Variants in MYRIP observed in about 807,000 individuals in gnomAD.
MYRIP encodes rab effector MyRIP.
Under a neutral mutation model 98.0 loss-of-function variants are expected in MYRIP, and 49 were observed. That is an observed-to-expected ratio of 0.50 (90% CI 0.40 to 0.63). The LOEUF is 0.63. Ranked by LOEUF, MYRIP falls within the 30% of genes least tolerant of loss-of-function variation. MYRIP has a pLI of 0.00. For missense variants in MYRIP, 1,004 were observed against 1,058.2 expected, an observed-to-expected ratio of 0.95 and a Z score of 0.71; for synonymous variants, 404 against 409.5, an observed-to-expected ratio of 0.99 and a Z score of 0.16.
intron 2 of MYRIP, among the ~76,000 whole-genome samples, chr3:39,974,459 T>C (rs1428353373): frequency 6.6e-6 from 1 of 152,198 alleles, no homozygotes; most frequent in Non-Finnish European, 1.5e-5. Flanking sequence ...CACAGCCAAA[T>C]TCTACCAGAG....
At position 40,194,636 on chromosome 3, in the gene MYRIP, G is replaced by A. The variant is rs575788941; in HGVS notation, c.1665+4173G>A. 1.8e-4 allele frequency among the ~76,000 whole-genome samples: 27 copies of A among 152,100 alleles called. 1 individual carries two copies. Among genetic ancestry groups the A allele is most frequent in the South Asian group, 6.2e-4 (3 of 4,812 alleles). On this transcript the variant is annotated intron_variant, in intron 10 of 16. Transcript: ENST00000302541. ...CTTTTTAAGTTTTGATTGGAATTGC[G>A]TTAAATGTATGTATCTACTTCAGAA...
intron 2 of MYRIP, among the ~76,000 whole-genome samples, chr3:39,901,542 T>C (rs1278836975): frequency 2.0e-5 from 3 of 152,160 alleles, no homozygotes; most frequent in Non-Finnish European, 4.4e-5. Flanking sequence ...TATGCCTAAG[T>C]TGGAAGAAGT....
intron 2 of MYRIP, among the ~76,000 whole-genome samples, chr3:39,989,880 G>T (rs1363537885): frequency 1.3e-5 from 2 of 152,184 alleles, no homozygotes; most frequent in Non-Finnish European, 2.9e-5. Flanking sequence ...GAAAAGCCTG[G>T]CCTGGAGCTA....
intron 3 of MYRIP, among the ~76,000 whole-genome samples, chr3:40,056,979 A>G (rs1947898471): frequency 4.6e-5 from 7 of 152,130 alleles, no homozygotes; most frequent in Admixed American, 4.6e-4. Flanking sequence ...AGTACCTGAC[A>G]TTTATGTGTT....
chr3:39,995,382 T>G (rs983943068), intron 2 of MYRIP, among the ~76,000 whole-genome samples: 1 of 152,060 alleles, frequency 6.6e-6, no homozygotes, highest in Non-Finnish European at 1.5e-5. Context: ...GATAACTACA[T>G]GATGAATGCA....
intron 2 of MYRIP, among the ~76,000 whole-genome samples, chr3:39,956,378 T>C (rs1456758729): frequency 6.6e-6 from 1 of 152,088 alleles, no homozygotes; most frequent in Non-Finnish European, 1.5e-5. Flanking sequence ...AGAAACTCAC[T>C]CAAAACAACC....
In MYRIP at chr3:40,212,831, T is replaced by G. The variant is rs2125671423; in HGVS notation, c.1905+2738T>G. On this transcript the variant is annotated intron_variant, in intron 11 of 16. Transcript: ENST00000302541. ...GTCCCAGTTACTCGAGAGGCTGAGA[T>G]GACTTGAACCCAGGAGGTTGAGGCT... Among the ~76,000 whole-genome samples, 3 of 151,822 alleles carry G rather than the reference T, an allele frequency of 2.0e-5. 1 individual carries two copies. In the South Asian group the frequency reaches 6.3e-4, roughly 32 times the overall value.
intron 2 of MYRIP, among the ~76,000 whole-genome samples, chr3:39,955,596 A>G (rs1253589214): frequency 6.6e-6 from 1 of 152,232 alleles, no homozygotes; most frequent in Non-Finnish European, 1.5e-5. Context: ...AAGACCATTG[A>G]TGCTAGGAAG....
intron 10 of MYRIP, 87 bp downstream of exon 10, chr3:40,190,550 G>A: frequency 6.7e-7 from 1 of 1,487,820 alleles, no homozygotes. Context: ...AGAGTCCTGG[G>A]TTTGGAATCC....
chr3:39,987,102 C>T (rs1463728990), intron 2 of MYRIP, among the ~76,000 whole-genome samples: 1 of 152,066 alleles, frequency 6.6e-6, no homozygotes. Flanking sequence ...AACCCATCAT[C>T]TAGGTTTTAA....
intron 2 of MYRIP, among the ~76,000 whole-genome samples, chr3:39,975,861 A>G (rs1166202025): frequency 1.3e-5 from 2 of 152,194 alleles, no homozygotes; most frequent in African/African-American, 2.4e-5. Context: ...GAAAGCTGAA[A>G]CTGGATCCCT....
chr3:40,005,067 G>T (rs1338216660), intron 2 of MYRIP, among the ~76,000 whole-genome samples: 1 of 152,122 alleles, frequency 6.6e-6, no homozygotes, highest in East Asian at 1.9e-4. Flanking sequence ...TTAGAATAAT[G>T]GCCTCCAGCT....
chr3:40,184,061 C>G (rs1020757071), intron 9 of MYRIP, among the ~76,000 whole-genome samples: 9 of 152,196 alleles, frequency 5.9e-5, no homozygotes, highest in Admixed American at 5.2e-4. Context: ...GTGATCGTTT[C>G]TTTACTTATG....
At chr3:40,025,640 T>C (rs1030924383) in intron 2 of MYRIP, among the ~76,000 whole-genome samples, 1 of 152,032 alleles carries the variant, frequency 6.6e-6, no homozygotes, top group African/African-American at 2.4e-5. Flanking sequence ...TGTCGGCTGG[T>C]CTGAGAAATA....
At chr3:40,204,145 AATATATAAATATATAATATAATATTT>A (rs1951712913) in intron 10 of MYRIP, among the ~76,000 whole-genome samples, 629 of 27,656 alleles carry the variant, frequency 0.023, 55 homozygotes, top group African/African-American at 0.053. Flanking sequence ...TATATTATAT[AATATATAAATATATAATATAATATTT>A]ATATATTATA....
intron 2 of MYRIP, among the ~76,000 whole-genome samples, chr3:40,001,805 A>G (rs1946525222): frequency 6.6e-6 from 1 of 152,224 alleles, no homozygotes; most frequent in Non-Finnish European, 1.5e-5. Context: ...AGATGATGGC[A>G]GCTTGAACCG....
At position 39,882,584 on chromosome 3, in the gene MYRIP, C is replaced by T. The variant is rs533996074; in HGVS notation, c.-30-18203C>T. On this transcript the variant is annotated intron_variant, in intron 1 of 16. Coordinates refer to ENST00000302541, the MANE Select transcript of MYRIP (RefSeq NM_015460.4). ...AACTAGGCTCAGTTTTCCTCAGTGG[C>T]TAAGAGCATGGTCTTTGGAGGCAGT... 2.0e-5 allele frequency among the ~76,000 whole-genome samples: 3 copies of T among 152,222 alleles called. No individual in the cohort carries two copies. The East Asian group carries it at 5.8e-4, about 29-fold the overall frequency.
At chr3:40,109,974 T>G (rs1175887241) in intron 3 of MYRIP, among the ~76,000 whole-genome samples, 4 of 152,238 alleles carry the variant, frequency 2.6e-5, no homozygotes, top group Non-Finnish European at 4.4e-5. Context: ...CCTAGGGAGT[T>G]CCTGCAGGAG....
intron 1 of MYRIP, among the ~76,000 whole-genome samples, chr3:39,866,818 G>T (rs1422314002): frequency 6.6e-6 from 1 of 152,112 alleles, no homozygotes; most frequent in African/African-American, 2.4e-5. Flanking sequence ...TATAGAAATA[G>T]AGAAAAACTT....
Sources: gnomAD v4.1 joint callset for allele counts (sites outside exome capture counted in the v4.1 genomes callset) on GRCh38, gnomAD v4.1.1 for gene constraint, MANE v1.5 for transcripts, NCBI Gene and HGNC (gene_info 2026-07-23, HGNC 2026-07-21) for gene names.